The following TANC2 variants were observed in gnomAD, a reference collection of about 807,000 sequenced individuals.
TANC2 encodes tetratricopeptide repeat, ankyrin repeat and coiled-coil containing 2, also known as protein TANC2.
A neutral mutation model predicts 210.5 loss-of-function variants in TANC2; 26 were observed. That is an observed-to-expected ratio of 0.12 (90% confidence interval 0.09 to 0.17). TANC2 has a LOEUF of 0.17. Among genes scored for constraint, TANC2 ranks in the 10% least tolerant of loss-of-function variants. The pLI is 1.00. For missense variants in TANC2, 2,129 were observed against 2,608.9 expected (o/e 0.82, Z 4.01); for synonymous variants, 931 against 967.1 (o/e 0.96, Z 0.69).
intron 9 of TANC2, among the ~76,000 whole-genome samples, chr17:63,299,748 T>C (rs1239094365): frequency 6.6e-6 from 1 of 152,198 alleles, no homozygotes; most frequent in African/African-American, 2.4e-5. Context: ...TTCACTCTGA[T>C]GATGGTTTCT....
intron 9 of TANC2, among the ~76,000 whole-genome samples, chr17:63,286,050 T>G (rs1054954642): frequency 2.6e-5 from 4 of 152,150 alleles, no homozygotes; most frequent in Non-Finnish European, 5.9e-5. Flanking sequence ...ATTTGTCCCC[T>G]CCCAACTTCT....
intron 4 of TANC2, among the ~76,000 whole-genome samples, chr17:63,128,041 C>G (rs1339198112): frequency 6.6e-6 from 1 of 151,984 alleles, no homozygotes; most frequent in Admixed American, 6.6e-5. Context: ...CATTGTACTT[C>G]TTATTATGAT....
chr17:63,009,776 A>G (rs2033784743), intron 2 of TANC2, 150 bp downstream of exon 2: 2 of 641,446 alleles, frequency 3.1e-6, no homozygotes, highest in Admixed American at 2.8e-5. Context: ...ACGCTTTATT[A>G]AGAGGTAGGA....
At chr17:63,129,001 A>G (rs780219058) in intron 4 of TANC2, among the ~76,000 whole-genome samples, 16 of 152,086 alleles carry the variant, frequency 1.1e-4, no homozygotes, top group Non-Finnish European at 2.2e-4. Context: ...GTAGTTAAGT[A>G]GCCAGACTTT....
chr17:63,043,525 G>T (rs2035268849), intron 2 of TANC2, among the ~76,000 whole-genome samples: 1 of 152,064 alleles, frequency 6.6e-6, no homozygotes, highest in East Asian at 1.9e-4. Context: ...TAAGTGACTT[G>T]ACCAAAGTCA....
intron 4 of TANC2, among the ~76,000 whole-genome samples, chr17:63,101,274 G>A (rs1269240760): frequency 2.0e-5 from 3 of 152,186 alleles, no homozygotes; most frequent in East Asian, 3.9e-4. Flanking sequence ...TTAGCCGACC[G>A]TAAAGAAATT....
At chr17:63,327,047 A>T (rs1051967857) in intron 11 of TANC2, among the ~76,000 whole-genome samples, 1 of 152,218 alleles carries the variant, frequency 6.6e-6, no homozygotes, top group Non-Finnish European at 1.5e-5. Flanking sequence ...AAACAACCTG[A>T]TTAAAAAAAT....
intron 5 of TANC2, among the ~76,000 whole-genome samples, chr17:63,168,486 A>G (rs1416241479): frequency 6.6e-6 from 1 of 152,196 alleles, no homozygotes; most frequent in Non-Finnish European, 1.5e-5. Flanking sequence ...ATGTGAAACT[A>G]TGAAAAACAT....
At chr17:63,387,439 G>A (rs1181935795) in intron 15 of TANC2, among the ~76,000 whole-genome samples, 1 of 152,122 alleles carries the variant, frequency 6.6e-6, no homozygotes, top group African/African-American at 2.4e-5. Flanking sequence ...ATAAGTTACT[G>A]ACACATTCCT....
chr17:63,416,643 CCTGA>C (rs1380133641), intron 26 of TANC2, among the ~76,000 whole-genome samples: 1 of 152,112 alleles, frequency 6.6e-6, no homozygotes, highest in Non-Finnish European at 1.5e-5. Flanking sequence ...CAGAGTTAAA[CCTGA>C]CTGTCTCAGA....
At chr17:63,275,205 T>C (rs986223033) in intron 9 of TANC2, among the ~76,000 whole-genome samples, 7 of 152,164 alleles carry the variant, frequency 4.6e-5, no homozygotes, top group Non-Finnish European at 1.0e-4. Context: ...AAATTATATA[T>C]TGCTAATTAA....
chr17:63,169,622 T>C (rs568700085), intron 5 of TANC2, among the ~76,000 whole-genome samples: 1 of 152,214 alleles, frequency 6.6e-6, no homozygotes, highest in Admixed American at 6.5e-5. Flanking sequence ...GAGACCGTCC[T>C]GGCCAACATG....
Position 63,224,274 on chromosome 17 carries a change from C to T in TANC2, c.770-13540C>T, listed in dbSNP as rs967234992. 1.2e-3 allele frequency among the ~76,000 whole-genome samples: 155 copies of T among 130,820 alleles called. 1 individual carries two copies. Among genetic ancestry groups the T allele is most frequent in the Admixed American group, 5.5e-3 (67 of 12,242 alleles). The allele number at this position is 130,820 out of a possible 152,430, so 85.8% of individuals were successfully genotyped here. On this transcript the variant is annotated intron_variant, in intron 7 of 27. Coordinates refer to ENST00000689528, the Ensembl canonical transcript of TANC2. ...GATTTTTTTTTTTTTTTTTTTGAGA[C>T]GGGGTCTCCCTGTGTCGCCCAGGCT... is the stretch of plus-strand genomic sequence containing the variant.
intron 2 of TANC2, among the ~76,000 whole-genome samples, chr17:63,030,836 T>C (rs2034739050): frequency 6.6e-6 from 1 of 151,628 alleles, no homozygotes; most frequent in Admixed American, 6.6e-5. Flanking sequence ...GTTTTGTTTT[T>C]TTTAATCTTA....
chr17:63,013,303 A>G (rs1181196356), intron 2 of TANC2, among the ~76,000 whole-genome samples: 2 of 151,980 alleles, frequency 1.3e-5, no homozygotes, highest in South Asian at 2.1e-4. Context: ...GTATTTTACA[A>G]CGTTATTTAT....
At chr17:63,027,780 A>G (rs753861524) in intron 2 of TANC2, among the ~76,000 whole-genome samples, 1 of 152,152 alleles carries the variant, frequency 6.6e-6, no homozygotes, top group Non-Finnish European at 1.5e-5. Context: ...GCAATCATAG[A>G]CTCTTTGTCC....
chr17:63,171,748 A>G (rs1446366893), intron 5 of TANC2, among the ~76,000 whole-genome samples: 2 of 152,254 alleles, frequency 1.3e-5, no homozygotes, highest in Non-Finnish European at 2.9e-5. Context: ...TTTTTGTATT[A>G]TAACACAAGA....
At chr17:63,020,394 C>T (rs977732758) in intron 2 of TANC2, among the ~76,000 whole-genome samples, 7 of 151,984 alleles carry the variant, frequency 4.6e-5, no homozygotes, top group African/African-American at 1.7e-4. Flanking sequence ...GTCTTAAACT[C>T]CTGGGCTCAA....
chr17:63,155,549 A>C (rs746267046), intron 5 of TANC2, among the ~76,000 whole-genome samples: 1 of 152,172 alleles, frequency 6.6e-6, no homozygotes, highest in Non-Finnish European at 1.5e-5. Flanking sequence ...GGCCAAGTTG[A>C]CAGTTTTATA....
Sources: gnomAD v4.1 joint callset for allele counts (sites outside exome capture counted in the v4.1 genomes callset) on GRCh38, gnomAD v4.1.1 for gene constraint, MANE v1.5 for transcripts, NCBI Gene and HGNC (gene_info 2026-07-23, HGNC 2026-07-21) for gene names.